LANCL3: variants seen among roughly 807,000 people sequenced by gnomAD.
The protein encoded by LANCL3 is LanC like family member 3.
LANCL3 carries 19 observed loss-of-function variants against 26.5 expected under a neutral mutation model. The observed-to-expected ratio is 0.72, with a 90% confidence interval of 0.50 to 1.05. LANCL3 has a LOEUF of 1.05. LANCL3 is among the 50% of genes least tolerant of loss of function. The pLI is 0.00. For missense variants in LANCL3, 318 were observed against 362.7 expected (o/e 0.88, Z 1.00); for synonymous variants, 160 against 166.6 (o/e 0.96, Z 0.30).
At chrX:37,621,925 T>A (rs984583935) in intron 1 of LANCL3, among the ~76,000 whole-genome samples, 5 of 111,660 alleles carry the variant, frequency 4.5e-5, no homozygotes, top group African/African-American at 1.6e-4. Flanking sequence ...CACCTCTCCC[T>A]GGTGCCGCGT....
chrX:37,628,923 G>C (rs782046958), intron 1 of LANCL3, among the ~76,000 whole-genome samples: 3 of 110,393 alleles, frequency 2.7e-5, no homozygotes, highest in African/African-American at 9.9e-5. Context: ...TGCATGTGTC[G>C]TTATAGCAGC....
chrX:37,639,535 G>A (rs1925809595), intron 1 of LANCL3, among the ~76,000 whole-genome samples: 1 of 109,840 alleles, frequency 9.1e-6, no homozygotes, highest in Admixed American at 9.8e-5. Flanking sequence ...AGCTAATGAG[G>A]CAAACTTATA....
At chrX:37,624,596 A>G (rs962836875) in intron 1 of LANCL3, among the ~76,000 whole-genome samples, 2 of 112,072 alleles carry the variant, frequency 1.8e-5, no homozygotes, top group Non-Finnish European at 3.8e-5. Context: ...CACAATTTAA[A>G]TCACTGTAAG....
intron 1 of LANCL3, among the ~76,000 whole-genome samples, chrX:37,632,550 G>A (rs1925555649): frequency 8.9e-6 from 1 of 111,752 alleles, no homozygotes; most frequent in African/African-American, 3.3e-5. Context: ...TCCTAGTGTC[G>A]ATGGTCTTTA....
intron 1 of LANCL3, among the ~76,000 whole-genome samples, chrX:37,585,150 G>A (rs1556417697): frequency 8.9e-6 from 1 of 111,853 alleles, no homozygotes; most frequent in African/African-American, 3.3e-5. Flanking sequence ...ATTGCACTGT[G>A]GTCTGAGAGA....
chrX:37,585,876 A>G (rs1205847600), intron 1 of LANCL3, among the ~76,000 whole-genome samples: 23 of 111,967 alleles, frequency 2.1e-4, no homozygotes, highest in African/African-American at 7.5e-4. Context: ...TAGTTGATGC[A>G]GTTTCTTCCT....
At chrX:37,610,677 G>T (rs1384756385) in intron 1 of LANCL3, among the ~76,000 whole-genome samples, 2 of 111,390 alleles carry the variant, frequency 1.8e-5, no homozygotes, top group Non-Finnish European at 3.8e-5. Context: ...AAACACTTCA[G>T]GTCACAGAGC....
chrX:37,621,250 G>A (rs956128997), intron 1 of LANCL3, among the ~76,000 whole-genome samples: 2 of 112,056 alleles, frequency 1.8e-5, no homozygotes, highest in Non-Finnish European at 3.8e-5. Flanking sequence ...CAAGCCTTGA[G>A]GTAATGCACT....
At chrX:37,671,842 T>G (rs1039622522) in intron 4 of LANCL3, among the ~76,000 whole-genome samples, 3 of 112,198 alleles carry the variant, frequency 2.7e-5, no homozygotes, top group Non-Finnish European at 5.6e-5. Context: ...AATACTAACT[T>G]ATGTAAGTCT....
chrX:37,644,779 T>G (rs1473254970), intron 1 of LANCL3, among the ~76,000 whole-genome samples: 2 of 112,453 alleles, frequency 1.8e-5, no homozygotes, highest in African/African-American at 6.5e-5. Context: ...CATTCAGTAT[T>G]TCATGTCAGC....
intron 1 of LANCL3, among the ~76,000 whole-genome samples, chrX:37,651,234 G>A (rs1361015393): frequency 5.4e-5 from 6 of 111,140 alleles, no homozygotes; most frequent in African/African-American, 2.0e-4. Flanking sequence ...TAATCCTTTG[G>A]GTGTATACCC....
At chrX:37,640,386 G>C (rs782702058) in intron 1 of LANCL3, among the ~76,000 whole-genome samples, 1 of 111,191 alleles carries the variant, frequency 9.0e-6, no homozygotes, top group South Asian at 3.9e-4. Context: ...ACTGAGATCT[G>C]AGAACAGCAA....
chrX:37,612,011 G>A (rs1391806122), intron 1 of LANCL3, among the ~76,000 whole-genome samples: 1 of 110,283 alleles, frequency 9.1e-6, no homozygotes, highest in Non-Finnish European at 1.9e-5. Flanking sequence ...CACGATCTCG[G>A]CTCACTGCAA....
chrX:37,583,759 G>T (rs1321770207), intron 1 of LANCL3, among the ~76,000 whole-genome samples: 1 of 112,142 alleles, frequency 8.9e-6, no homozygotes, highest in African/African-American at 3.2e-5. Flanking sequence ...CATGTCATCT[G>T]CAAGCAGGGA....
chrX:37,596,316 C>A (rs192046342), intron 1 of LANCL3, among the ~76,000 whole-genome samples: 1 of 112,069 alleles, frequency 8.9e-6, no homozygotes, highest in East Asian at 2.8e-4. Context: ...AGAAAAATCT[C>A]CAATTCTTCC....
At chrX:37,576,153 C>G (rs1316735745) in intron 1 of LANCL3, among the ~76,000 whole-genome samples, 2 of 111,730 alleles carry the variant, frequency 1.8e-5, no homozygotes, top group African/African-American at 6.5e-5. Flanking sequence ...TTAGTTTACC[C>G]TTTTCTAGGT....
chrX:37,638,929 T>A (rs985777319), intron 1 of LANCL3, among the ~76,000 whole-genome samples: 1 of 111,035 alleles, frequency 9.0e-6, no homozygotes, highest in Non-Finnish European at 1.9e-5. Context: ...TTTTTCATTG[T>A]TCATGACATC....
intron 1 of LANCL3, among the ~76,000 whole-genome samples, chrX:37,619,464 T>A (rs1925095682): frequency 9.0e-6 from 1 of 110,863 alleles, no homozygotes; most frequent in South Asian, 3.8e-4. Flanking sequence ...GAAACCCAAG[T>A]AAGGGAGATG....
chrX:37,631,623 ATGTGTCCCAGAGATTCT>A (rs1556424344), intron 1 of LANCL3, among the ~76,000 whole-genome samples: 2 of 109,740 alleles, frequency 1.8e-5, no homozygotes, highest in African/African-American at 6.7e-5. Context: ...ACTGCTTTGA[ATGTGTCCCAGAGATTCT>A]TGTATGTTGT....
Sources: allele counts gnomAD v4.1 joint callset (sites outside exome capture counted in the v4.1 genomes callset), GRCh38; gene constraint gnomAD v4.1.1; transcripts MANE v1.5; gene names NCBI Gene and HGNC (gene_info 2026-07-23, HGNC 2026-07-21).